The following GPHN variants were observed in gnomAD, a reference collection of about 807,000 sequenced individuals.
GPHN encodes the protein gephyrin.
Under a neutral mutation model 95.5 loss-of-function variants are expected in GPHN, and 17 were observed. The observed-to-expected ratio is 0.18, with a 90% CI of 0.12 to 0.27. The LOEUF (loss-of-function observed/expected upper bound fraction) is 0.27. Ranked by LOEUF, GPHN falls within the 10% of genes least tolerant of loss-of-function variation. The pLI, the probability that GPHN is intolerant of heterozygous loss-of-function variation, is 1.00. For synonymous variants in GPHN, 320 were observed against 322.5 expected, an observed-to-expected ratio of 0.99 and a Z score of 0.08; for missense variants, 660 against 978.1, an observed-to-expected ratio of 0.67 and a Z score of 4.34.
the GPHN span, among the ~76,000 whole-genome samples, chr14:67,726,604 G>T: frequency 6.6e-6 from 1 of 152,162 alleles, no homozygotes; most frequent in Non-Finnish European, 1.5e-5. Context: ...AGGGAGGAGA[G>T]CATGGAGCAT....
chr14:66,871,778 G>A lies in GPHN; in HGVS notation c.295-8161G>A, dbSNP rs566384594. On this transcript the variant is annotated intron_variant, in intron 4 of 22. Transcript: ENST00000478722. ...AACACACACTGGGGCCTGTCGGCGG[G>A]GTGAGGGGGAAGGGGAGGGAGGGTA... Among the ~76,000 whole-genome samples, 5 of 152,174 alleles carry A rather than the reference G, an allele frequency of 3.3e-5. 1 individual carries two copies. The South Asian group carries it at 1.0e-3, about 32-fold the overall frequency.
At chr14:67,481,853 G>T in the GPHN span, among the ~76,000 whole-genome samples, 2 of 152,180 alleles carry the variant, frequency 1.3e-5, no homozygotes, top group Admixed American at 1.3e-4. Context: ...CAGCTCAGGG[G>T]ACCTTGGCTT....
At chr14:67,664,459 T>A in the GPHN span, among the ~76,000 whole-genome samples, 1 of 151,886 alleles carries the variant, frequency 6.6e-6, no homozygotes, top group Non-Finnish European at 1.5e-5. Context: ...ATGTGACTCC[T>A]AAACACAAGC....
chr14:67,053,782 T>C (rs1053693047), intron 10 of GPHN, among the ~76,000 whole-genome samples: 2 of 152,162 alleles, frequency 1.3e-5, no homozygotes, highest in Non-Finnish European at 2.9e-5. Context: ...GACAGCTTCA[T>C]CCCCAAGATA....
chr14:66,804,793 T>C (rs2060484875), intron 3 of GPHN, among the ~76,000 whole-genome samples: 1 of 152,216 alleles, frequency 6.6e-6, no homozygotes, highest in South Asian at 2.1e-4. Flanking sequence ...ATTTTTATAA[T>C]TATGTGATGT....
At chr14:67,507,510 G>A in the GPHN span, among the ~76,000 whole-genome samples, 3 of 152,078 alleles carry the variant, frequency 2.0e-5, no homozygotes, top group Non-Finnish European at 4.4e-5. Flanking sequence ...GTGCAGTGGT[G>A]TGGTCACAGC....
the GPHN span, among the ~76,000 whole-genome samples, chr14:67,667,842 G>A: frequency 3.3e-5 from 5 of 152,240 alleles, no homozygotes; most frequent in Admixed American, 3.3e-4. Context: ...TACTCGGGAG[G>A]CTGAGGCAGA....
At position 66,678,324 on chromosome 14, in the gene GPHN, C is replaced by T. The variant is rs114367228; in HGVS notation, c.65-2783C>T. ...GTCTGGGTTATTTTTAAAAACCTATCTTCAAGTACTAAAATTATCTTCTGC... is the reference window on the plus strand; with the variant it reads ...GTCTGGGTTATTTTTAAAAACCTATTTTCAAGTACTAAAATTATCTTCTGC... On this transcript the variant is annotated intron_variant, in intron 1 of 22. Transcript: ENST00000478722. Among the ~76,000 whole-genome samples, 1,119 of 151,450 alleles carry T rather than the reference C, an allele frequency of 7.4e-3. 6 individuals carry two copies. Among genetic ancestry groups the T allele is most frequent in the African/African-American group, 0.026 (1,068 of 41,306 alleles).
intron 5 of GPHN, among the ~76,000 whole-genome samples, chr14:66,891,559 GA>G (rs1381109602): frequency 3.3e-5 from 5 of 151,838 alleles, no homozygotes; most frequent in African/African-American, 1.2e-4. Context: ...AACATAGGGG[GA>G]CAGCTTCATG....
At chr14:67,620,235 G>A in the GPHN span, 1 of 350,410 alleles carries the variant, frequency 2.9e-6, no homozygotes, top group Non-Finnish European at 5.4e-6. Context: ...CCGCTACTGG[G>A]CACCGTGGGA....
chr14:67,488,050 C>T, the GPHN span, among the ~76,000 whole-genome samples: 2 of 152,256 alleles, frequency 1.3e-5, no homozygotes, highest in African/African-American at 4.8e-5. Flanking sequence ...ACAACACCAT[C>T]TGCATATGCC....
Position 66,733,710 on chromosome 14 carries a change from A to G in GPHN, c.144-42754A>G, listed in dbSNP as rs143777505. 3.0e-3 allele frequency among the ~76,000 whole-genome samples: 457 copies of G among 152,304 alleles called. 3 individuals carry two copies. The highest frequency in any genetic ancestry group is 0.011 in the African/African-American group (439 of 41,568). ...CTTGGTAGTTAAGTGGGGAAGGCAC[A>G]TATCTATCAAATAAGCACTCTAATT... On this transcript the variant is annotated intron_variant, in intron 2 of 22. Coordinates refer to ENST00000478722, the MANE Select transcript of GPHN (RefSeq NM_020806.5).
At chr14:67,654,989 A>G in the GPHN span, among the ~76,000 whole-genome samples, 6 of 135,578 alleles carry the variant, frequency 4.4e-5, no homozygotes, top group African/African-American at 1.7e-4. Context: ...AGATTGCGCC[A>G]CTGCACTCCA....
At chr14:67,329,880 A>AAATT in the GPHN span, among the ~76,000 whole-genome samples, 351 of 89,672 alleles carry the variant, frequency 3.9e-3, 5 homozygotes, top group African/African-American at 0.017. Flanking sequence ...ATAAATAAAT[A>AAATT]GATATAGAAA....
intron 17 of GPHN, among the ~76,000 whole-genome samples, chr14:67,127,826 TTAAA>T (rs1192035980): frequency 2.0e-5 from 3 of 152,174 alleles, no homozygotes; most frequent in Non-Finnish European, 4.4e-5. Context: ...AAGAAAGAGA[TTAAA>T]TAAAGAGAAA....
At chr14:66,524,356 G>C (rs1328756347) in intron 1 of GPHN, among the ~76,000 whole-genome samples, 1 of 151,820 alleles carries the variant, frequency 6.6e-6, no homozygotes, top group Non-Finnish European at 1.5e-5. Context: ...AATGATTTGG[G>C]GCATAAGGGA....
the GPHN span, chr14:67,592,513 A>C: frequency 1.5e-5 from 9 of 620,036 alleles, no homozygotes; most frequent in Non-Finnish European, 2.3e-5. Context: ...AAATAACTGA[A>C]ATCCTAATTA....
chr14:67,283,144 A>G, the GPHN span, among the ~76,000 whole-genome samples: 1 of 152,288 alleles, frequency 6.6e-6, no homozygotes, highest in East Asian at 1.9e-4. Context: ...TCTATGAGAT[A>G]CTATTAGTGT....
chr14:67,487,820 G>A, the GPHN span, among the ~76,000 whole-genome samples: 10,014 of 151,748 alleles, frequency 0.066, 509 homozygotes, highest in East Asian at 0.24. Context: ...AAGTAGAGAC[G>A]GGTCTTGCTA....
Sources: allele counts gnomAD v4.1 joint callset (sites outside exome capture counted in the v4.1 genomes callset), GRCh38; gene constraint gnomAD v4.1.1; transcripts MANE v1.5; gene names NCBI Gene and HGNC (gene_info 2026-07-23, HGNC 2026-07-21).